Variants in PCBP4 observed in about 807,000 individuals in gnomAD.
The protein encoded by PCBP4 is poly(rC)-binding protein 4.
In PCBP4, 24 loss-of-function variants were observed where a neutral mutation model predicts 46.2. That is an observed-to-expected ratio of 0.52 (90% confidence interval 0.38 to 0.73). PCBP4 has a LOEUF of 0.73. Among genes scored for constraint, PCBP4 ranks in the 30% least tolerant of loss-of-function variants. PCBP4 has a pLI of 0.00. For missense variants in PCBP4, 407 were observed against 537.0 expected, an observed-to-expected ratio of 0.76 and a Z score of 2.39; for synonymous variants, 203 against 224.4, an observed-to-expected ratio of 0.90 and a Z score of 0.85.
In PCBP4 at chr3:51,959,007, A is replaced by G. The variant is rs2106727485; in HGVS notation, c.753+40T>C. 1.9e-6 allele frequency: 3 copies of G among 1,612,866 alleles called. No individual in the cohort carries two copies. The highest frequency in any genetic ancestry group is 2.5e-6 in the Non-Finnish European group (3 of 1,179,340). ...CCCTGGGTGAGGTCCAGACCCCCAG[A>G]CCCCCTACCCACCCTCCAGCCATCC... On this transcript the variant is annotated intron_variant, in intron 12 of 13. Transcript: ENST00000461554. This position sits in a 1 kb window ranked among gnomAD's most constrained non-coding sequence, Gnocchi z 5.6.
Position 51,960,967 on chromosome 3 carries a change from C to A in PCBP4, c.105+43G>T, listed in dbSNP as rs1700139427. 6.2e-7 allele frequency: 1 copy of A among 1,614,230 alleles called. No homozygotes were observed. The highest frequency in any genetic ancestry group is 1.7e-5 in the Admixed American group (1 of 60,034). ...CACAGCCTCCTTCCCTGGGCTGAAG[C>A]CTCAGCTGGAGGGGGATGTACAGAG... On this transcript the variant is annotated intron_variant, in intron 4 of 13. Transcript: ENST00000461554. The surrounding 1 kb of genome is among the most constrained non-coding windows in gnomAD (Gnocchi z 5.0).
chr3:51,962,034 G>C lies in PCBP4; in HGVS notation c.-158C>G, dbSNP rs1700205699. The C allele has an allele frequency of 6.6e-6, 1 of 152,446 alleles. No individual in the cohort carries two copies. The allele number at this position is 152,446 out of a possible 1,614,324, so 9.4% of individuals were successfully genotyped here. ...GTGGGTGGGGCACAGCGTGTCAGGG[G>C]ACTGGCAGTTCTGCACGTTGGTTTC... On this transcript the variant is annotated 5_prime_UTR_variant, in exon 2 of 14. Coordinates refer to ENST00000461554, the MANE Select transcript of PCBP4 (RefSeq NM_001174100.2).
At position 51,959,320 on chromosome 3, in the gene PCBP4, A is replaced by T; in HGVS notation, c.637-28T>A. On this transcript the variant is annotated intron_variant, in intron 10 of 13. Transcript: ENST00000461554. This position sits in a 1 kb window ranked among gnomAD's most constrained non-coding sequence, Gnocchi z 5.6. ...GTGCCAAAGAGGGGTCAGAGGTCAGAGGAGGCATGGTTCAGGAAGGGGTGC... is the reference window on the plus strand; with the variant it reads ...GTGCCAAAGAGGGGTCAGAGGTCAGTGGAGGCATGGTTCAGGAAGGGGTGC... 1 of 1,613,878 alleles carries T rather than the reference A, an allele frequency of 6.2e-7. No homozygotes were observed. Among genetic ancestry groups the T allele is most frequent in the Non-Finnish European group, 8.5e-7 (1 of 1,179,904 alleles).
intron 1 of PCBP4, chr3:51,962,785 T>C (rs1396935008): frequency 6.6e-6 from 1 of 152,232 alleles, no homozygotes; most frequent in African/African-American, 2.4e-5. Context: ...AGCCACCGTA[T>C]GGCATAAGGT....
Position 51,958,190 on chromosome 3 carries a change from C to T in PCBP4, c.1083G>A (p.Lys361=). The T allele has an allele frequency of 6.2e-7, 1 of 1,613,364 alleles. No homozygotes were observed. The highest frequency in any genetic ancestry group is 8.5e-7 in the Non-Finnish European group (1 of 1,179,636). ...GTGGTAAAGCCAAGAAGGGCATGGG[C>T]TTGAGGCCGATGAAGTTGGAGAGGG... The part of the protein sequence containing the change: ...AISLSNFIGL[K]PMPFLALPPA... Residue 361 remains lysine, a synonymous_variant, in exon 14 of 14, where the codon AAG becomes AAA. Transcript: ENST00000461554. This position sits in a 1 kb window ranked among gnomAD's most constrained non-coding sequence, Gnocchi z 5.4.
chr3:51,958,704 G>A lies in PCBP4; in HGVS notation c.923+86C>T. On this transcript the variant is annotated intron_variant, in intron 13 of 13. Transcript: ENST00000461554. The surrounding 1 kb of genome is among the most constrained non-coding windows in gnomAD (Gnocchi z 5.4). ...AGGTCGGGCCCAGACAGAGAGAGGA[G>A]GCCAGCTTCCTCTCCCCACCCCTGC... 2 of 1,445,508 alleles carry A rather than the reference G, an allele frequency of 1.4e-6. No homozygotes were observed. The highest frequency in any genetic ancestry group is 2.5e-5 in the South Asian group (2 of 78,466). 89.5% of individuals were successfully genotyped at this position (1,445,508 alleles called of 1,614,324 possible).
chr3:51,966,614 A>G (rs1700442152), intron 1 of PCBP4, among the ~76,000 whole-genome samples: 1 of 151,964 alleles, frequency 6.6e-6, no homozygotes, highest in Non-Finnish European at 1.5e-5. Flanking sequence ...GGGAGAAAGG[A>G]ATGCAACTGG....
In PCBP4 at chr3:51,966,803, C is replaced by T. The variant is rs537617736; in HGVS notation, c.-213+523G>A. ...CTGAAGTGAGTAGCAGAGCCTCCCA[C>T]CCCCACCCCCCAGGACCCCAGCCAA... On this transcript the variant is annotated intron_variant, in intron 1 of 13. Transcript: ENST00000461554. 2.6e-5 allele frequency among the ~76,000 whole-genome samples: 4 copies of T among 151,762 alleles called. No homozygotes were observed. The South Asian group carries it at 8.3e-4, about 32-fold the overall frequency.
chr3:51,958,178 G>A lies in PCBP4; in HGVS notation c.1095C>T (p.Phe365=), dbSNP rs761449506. The change falls in exon 14 of 14, where the codon TTC becomes TTT. Residue 365 remains phenylalanine, a synonymous_variant. Transcript: ENST00000461554. The surrounding 1 kb of genome is among the most constrained non-coding windows in gnomAD (Gnocchi z 5.4). ...SNFIGLKPMP[F]LALPPASPGP... ...CTGGGGAAGCAGGTGGTAAAGCCAA[G>A]AAGGGCATGGGCTTGAGGCCGATGA... The A allele has an allele frequency of 1.4e-5, 23 of 1,613,456 alleles. No individual in the cohort carries two copies. Among genetic ancestry groups the A allele is most frequent in the Non-Finnish European group, 1.7e-5 (20 of 1,179,738 alleles).
At position 51,958,127 on chromosome 3, in the gene PCBP4, G is replaced by A; in HGVS notation, c.1146C>T (p.Tyr382=). ...SPGPPPGLAA[Y]TAKMAAANGS... The stretch of plus-strand genomic sequence containing the variant: ...CATTAGCTGCTGCCATCTTGGCAGT[G>A]TAGGCCGCCAAGCCCGGCGGCGGCC... The change falls in exon 14 of 14, where the codon TAC becomes TAT. Residue 382 remains tyrosine, a synonymous_variant. Transcript: ENST00000461554. The surrounding 1 kb of genome is among the most constrained non-coding windows in gnomAD (Gnocchi z 5.4). The A allele has an allele frequency of 6.2e-7, 1 of 1,608,598 alleles. No individual in the cohort carries two copies. The highest frequency in any genetic ancestry group is 8.5e-7 in the Non-Finnish European group (1 of 1,177,424).
chr3:51,958,049 C>A lies in PCBP4; in HGVS notation c.*12G>T. Reference sequence around the variant, plus strand: ...GTGGTCCTGCCTGCCCCTGCCTGTACCTCAGCTGGCCTCAGTAGGGGGAGA... The same window carrying A: ...GTGGTCCTGCCTGCCCCTGCCTGTAACTCAGCTGGCCTCAGTAGGGGGAGA... On this transcript the variant is annotated 3_prime_UTR_variant, in exon 14 of 14. Coordinates refer to ENST00000461554, the MANE Select transcript of PCBP4 (RefSeq NM_001174100.2). This position sits in a 1 kb window ranked among gnomAD's most constrained non-coding sequence, Gnocchi z 5.4. The A allele has an allele frequency of 6.5e-7, 1 of 1,531,550 alleles. No homozygotes were observed. The highest frequency in any genetic ancestry group is 8.8e-7 in the Non-Finnish European group (1 of 1,140,712). 94.9% of individuals were successfully genotyped at this position (1,531,550 alleles called of 1,614,324 possible).
intron 1 of PCBP4, among the ~76,000 whole-genome samples, chr3:51,964,255 C>G (rs1442414612): frequency 6.6e-6 from 1 of 152,216 alleles, no homozygotes; most frequent in Admixed American, 6.5e-5. Flanking sequence ...CCCCTCCCCC[C>G]CAGCTGTCTC....
In PCBP4 at chr3:51,959,869, C is replaced by T; in HGVS notation, c.516+26G>A. 6.4e-7 allele frequency: 1 copy of T among 1,565,070 alleles called. No individual in the cohort carries two copies. The highest frequency in any genetic ancestry group is 8.7e-7 in the Non-Finnish European group (1 of 1,155,516). ...CAGACCCAGGGCCCATCTCCTGCCCCCTCTCTCCCTGCCCCAGGGCAGCAC... is the reference window on the plus strand; with the variant it reads ...CAGACCCAGGGCCCATCTCCTGCCCTCTCTCTCCCTGCCCCAGGGCAGCAC... On this transcript the variant is annotated intron_variant, in intron 8 of 13. Transcript: ENST00000461554. This position sits in a 1 kb window ranked among gnomAD's most constrained non-coding sequence, Gnocchi z 5.6.
In PCBP4 at chr3:51,958,957, C is replaced by T; in HGVS notation, c.756G>A (p.Leu252=). ...CCTGGCGCCCGATCACACAGCCAAT[C>T]AACTAGAGGGAAGGCAGAATTCAGC... is the stretch of plus-strand genomic sequence containing the variant. ...SSQEFLVPND[L]IGCVIGRQGS... Residue 252 remains leucine, a splice_region_variant and synonymous_variant, in exon 13 of 14, where the codon TTG becomes TTA. Coordinates refer to ENST00000461554, the MANE Select transcript of PCBP4 (RefSeq NM_001174100.2). This position sits in a 1 kb window ranked among gnomAD's most constrained non-coding sequence, Gnocchi z 5.4. The T allele has an allele frequency of 6.2e-7, 1 of 1,613,966 alleles. No individual in the cohort carries two copies. The highest frequency in any genetic ancestry group is 1.1e-5 in the South Asian group (1 of 91,074).
chr3:51,958,001 G>T lies in PCBP4; in HGVS notation c.*60C>A. 6.9e-7 allele frequency: 1 copy of T among 1,455,618 alleles called. No individual in the cohort carries two copies. Among genetic ancestry groups the T allele is most frequent in the Non-Finnish European group, 9.2e-7 (1 of 1,088,768 alleles). The allele number at this position is 1,455,618 out of a possible 1,614,324, so 90.2% of individuals were successfully genotyped here. ...GGGTGGAGTCTCCTTGGGCGGGTAG[G>T]GTGCAGAGGCAGCCCCCTGCTGGTG... is the stretch of plus-strand genomic sequence containing the variant. On this transcript the variant is annotated 3_prime_UTR_variant, in exon 14 of 14. Coordinates refer to ENST00000461554, the MANE Select transcript of PCBP4 (RefSeq NM_001174100.2). The surrounding 1 kb of genome is among the most constrained non-coding windows in gnomAD (Gnocchi z 5.4).
Position 51,959,437 on chromosome 3 carries a change from G to A in PCBP4, c.592-26C>T, listed in dbSNP as rs1229434511. On this transcript the variant is annotated intron_variant, in intron 9 of 13. Transcript: ENST00000461554. The surrounding 1 kb of genome is among the most constrained non-coding windows in gnomAD (Gnocchi z 5.6). ...CTGTGGGGACAAAGTGGATGAAAAG[G>A]GGGTTACTGTGACATTGCAGTTCAG... 1 of 1,591,612 alleles carries A rather than the reference G, an allele frequency of 6.3e-7. No individual in the cohort carries two copies. The highest frequency in any genetic ancestry group is 8.6e-7 in the Non-Finnish European group (1 of 1,167,728).
In PCBP4 at chr3:51,959,129, T is replaced by C. The variant is rs550680710; in HGVS notation, c.701-30A>G. The C allele has an allele frequency of 1.7e-5, 27 of 1,613,362 alleles. No homozygotes were observed. The highest frequency in any genetic ancestry group is 1.6e-4 in the South Asian group (15 of 91,030). On this transcript the variant is annotated intron_variant, in intron 11 of 13. Transcript: ENST00000461554. The surrounding 1 kb of genome is among the most constrained non-coding windows in gnomAD (Gnocchi z 5.6). ...GGGGGAGAAGAGGGACTGAGTGTGG[T>C]TCTGGGCCTTTCCCGCCCCACCATT...
Position 51,957,818 on chromosome 3 carries a change from A to G in PCBP4, c.*243T>C, listed in dbSNP as rs1457220382. The G allele has an allele frequency of 2.7e-6, 1 of 369,286 alleles. No homozygotes were observed. Among genetic ancestry groups the G allele is most frequent in the Non-Finnish European group, 4.9e-6 (1 of 204,530 alleles). 22.9% of individuals were successfully genotyped at this position (369,286 alleles called of 1,614,324 possible). On this transcript the variant is annotated 3_prime_UTR_variant, in exon 14 of 14. Coordinates refer to ENST00000461554, the MANE Select transcript of PCBP4 (RefSeq NM_001174100.2). ...TCCTGGCTGCTCCCTGTATCCAAGC[A>G]CAGAGCTGAGGAGGTAGGGCCCCCT...
At position 51,961,201 on chromosome 3, in the gene PCBP4, G is replaced by C. The variant is rs774045227; in HGVS notation, c.40C>G (p.Leu14Val). 1 of 1,613,228 alleles carries C rather than the reference G, an allele frequency of 6.2e-7. No individual in the cohort carries two copies. Among genetic ancestry groups the C allele is most frequent in the East Asian group, 2.2e-5 (1 of 44,898 alleles). Residue 14 changes from leucine (L) to valine (V), a missense_variant, in exon 3 of 14, where the codon CTC becomes GTC. Physicochemically the swap from Leu to Val is conservative, Grantham distance 32. Transcript: ENST00000461554. Reference sequence around the variant, plus strand: ...ATCCGCAGCGTGAGGGTGATGCTGAGCTCTGGCTCCTCCTCCAGTCCCCCG... The same window carrying C: ...ATCCGCAGCGTGAGGGTGATGCTGACCTCTGGCTCCTCCTCCAGTCCCCCG... Reference protein sequence around the residue: ...SDGGLEEEPELSITLTLRMLM... With the variant: ...SDGGLEEEPEVSITLTLRMLM...
Sources: allele counts gnomAD v4.1 joint callset (sites outside exome capture counted in the v4.1 genomes callset), GRCh38; gene constraint gnomAD v4.1.1; non-coding constraint Gnocchi (gnomAD v3.1); transcripts MANE v1.5; gene names NCBI Gene and HGNC (gene_info 2026-07-23, HGNC 2026-07-21).